WDR4: variants seen among roughly 807,000 people sequenced by gnomAD.
WDR4 encodes the protein tRNA (guanine-N(7)-)-methyltransferase non-catalytic subunit WDR4.
Under a neutral mutation model 48.6 loss-of-function variants are expected in WDR4, and 47 were observed. That is an observed-to-expected ratio of 0.97 (90% CI 0.77 to 1.23). The LOEUF (loss-of-function observed/expected upper bound fraction) is 1.23. Ranked by LOEUF, WDR4 falls within the 50% of genes most tolerant of loss-of-function variation. WDR4 has a pLI of 0.00. For missense variants in WDR4, 606 were observed against 551.6 expected (o/e 1.10, Z -0.99); for synonymous variants, 268 against 230.0 (o/e 1.17, Z -1.49).
At chr21:42,858,836 T>C (rs528437837) in intron 6 of WDR4, among the ~76,000 whole-genome samples, 23 of 152,122 alleles carry the variant, frequency 1.5e-4, no homozygotes, top group African/African-American at 4.3e-4. Context: ...AGAAGAAACA[T>C]AGAAGCGGCC....
the WDR4 span, among the ~76,000 whole-genome samples, chr21:42,892,962 G>C: frequency 6.6e-6 from 1 of 152,268 alleles, no homozygotes; most frequent in Non-Finnish European, 1.5e-5. Context: ...GCGAGGACAA[G>C]GGCAAAGAAG....
At chr21:42,843,399 T>G (rs1008996306) in intron 11 of WDR4, 7 of 138,746 alleles carry the variant, frequency 5.0e-5, no homozygotes, top group Non-Finnish European at 7.5e-5. Flanking sequence ...TGGAAGACAC[T>G]GGTGTGCTTT....
chr21:42,869,667 G>GA (rs529254655), intron 3 of WDR4, among the ~76,000 whole-genome samples: 70 of 145,644 alleles, frequency 4.8e-4, no homozygotes, highest in East Asian at 5.9e-4. Context: ...ATAGGATATG[G>GA]AAAAAAAAAA....
intron 5 of WDR4, among the ~76,000 whole-genome samples, chr21:42,861,379 T>C (rs1022339954): frequency 1.3e-5 from 2 of 148,420 alleles, no homozygotes; most frequent in Non-Finnish European, 3.0e-5. Context: ...GAGGGAGCAG[T>C]TGAAGTTAAT....
chr21:42,866,949 A>C (rs1403168956), intron 3 of WDR4, among the ~76,000 whole-genome samples: 1 of 152,154 alleles, frequency 6.6e-6, no homozygotes, highest in Non-Finnish European at 1.5e-5. Flanking sequence ...CGTGCCCTAC[A>C]CCAAGGTCAG....
intron 1 of WDR4, chr21:42,879,029 G>C: frequency 9.5e-7 from 1 of 1,048,394 alleles, no homozygotes; most frequent in Non-Finnish European, 1.1e-6. Flanking sequence ...CAGTTCTGCA[G>C]AGCGTGTTCG....
Position 42,879,484 on chromosome 21 carries a change from A to AGAGCCCGCCATGTAC in WDR4, c.-4_11dup (p.Ser4_Val5insTyrMetAlaGlySer), listed in dbSNP as rs1454519992. 2.5e-6 allele frequency: 4 copies of AGAGCCCGCCATGTAC among 1,613,326 alleles called. No homozygotes were observed. In the African/African-American group the frequency reaches 4.0e-5, roughly 16 times the overall value. On this transcript the variant is annotated inframe_insertion, in exon 1 of 11. Transcript: ENST00000398208. ...TCTGCCCGCACAACGCCAGTCCCAC[A>AGAGCCCGCCATGTAC]GAGCCCGCCATGTACCCGCCCGCCT...
At chr21:42,879,103 C>T (rs2146120696) in intron 1 of WDR4, 1 of 1,191,738 alleles carries the variant, frequency 8.4e-7, no homozygotes, top group Non-Finnish European at 1.0e-6. Flanking sequence ...CCCGCCGGCG[C>T]CGCGGAGACC....
In WDR4 at chr21:42,863,445, C is replaced by T. The variant is rs1269482435; in HGVS notation, c.448G>A (p.Asp150Asn). 2.5e-6 allele frequency: 4 copies of T among 1,611,524 alleles called. No individual in the cohort carries two copies. Among genetic ancestry groups the T allele is most frequent in the Non-Finnish European group, 3.4e-6 (4 of 1,178,406 alleles). Residue 150 changes from aspartate to asparagine, a missense_variant, in exon 4 of 11, where the codon GAT (aspartate) becomes AAT (asparagine). Physicochemically the swap from Asp to Asn is conservative, Grantham distance 23 (BLOSUM62 1). Transcript: ENST00000398208. ...LELGHLSMLLDVAVSPDDRFI... is the reference protein window; with the variant it reads ...LELGHLSMLLNVAVSPDDRFI... ...CTACCACGTCCCCCACCTACCACATCTAACAGCATAGACAGGTGCCCCAGC... is the reference window on the plus strand; with the variant it reads ...CTACCACGTCCCCCACCTACCACATTTAACAGCATAGACAGGTGCCCCAGC...
In WDR4 at chr21:42,863,472, C is replaced by A; in HGVS notation, c.421G>T (p.Glu141Ter). 1 of 1,613,818 alleles carries A rather than the reference C, an allele frequency of 6.2e-7. No individual in the cohort carries two copies. Among genetic ancestry groups the A allele is most frequent in the African/African-American group, 1.3e-5 (1 of 75,008 alleles). The change falls in exon 4 of 11, where the codon GAG (glutamate) becomes TAG (stop). Residue 141 changes from glutamate (E) to a stop codon, truncating the protein, a stop_gained. Transcript: ENST00000398208. LOFTEE classifies it high-confidence loss of function. ...AACAGCATAGACAGGTGCCCCAGCT[C>A]TAGACGGCCACACCCGTGTGGCTCC... ...VLEPHGCGRL[E>*]LGHLSMLLDV...
rs981018487 is a variant in WDR4, at chr21:42,862,609, C to T, written c.454-215G>A. ...AGAGGGTCCCTGGCCACCTCTAGCCCTCACTCCTCAGTGCTAGAGCAGGCT... is the reference window on the plus strand; with the variant it reads ...AGAGGGTCCCTGGCCACCTCTAGCCTTCACTCCTCAGTGCTAGAGCAGGCT... On this transcript the variant is annotated intron_variant, in intron 4 of 10. Transcript: ENST00000398208. The surrounding 1 kb of genome is among the most constrained non-coding windows in gnomAD (Gnocchi z 4.3). 3.3e-5 allele frequency among the ~76,000 whole-genome samples: 5 copies of T among 152,172 alleles called. No individual in the cohort carries two copies. The highest frequency in any genetic ancestry group is 1.2e-4 in the African/African-American group (5 of 41,444).
At chr21:42,875,916 C>CTTTTTT (rs71194083) in intron 2 of WDR4, among the ~76,000 whole-genome samples, 3,785 of 104,670 alleles carry the variant, frequency 0.036, 233 homozygotes, top group African/African-American at 0.049. Context: ...TAACACTGTG[C>CTTTTTT]TTTTTTTTTT....
chr21:42,884,764 T>C, the WDR4 span, among the ~76,000 whole-genome samples: 1 of 152,122 alleles, frequency 6.6e-6, no homozygotes, highest in African/African-American at 2.4e-5. Context: ...TCACCATCAC[T>C]TGTTATTATG....
the WDR4 span, among the ~76,000 whole-genome samples, chr21:42,890,934 G>C: frequency 5.9e-5 from 9 of 152,290 alleles, no homozygotes; most frequent in African/African-American, 1.9e-4. Context: ...AGGCTGCATA[G>C]GCTTCCCAGC....
intron 3 of WDR4, among the ~76,000 whole-genome samples, chr21:42,872,610 CAAA>C (rs536689165): frequency 1.4e-4 from 11 of 78,582 alleles, no homozygotes; most frequent in Admixed American, 2.8e-4. Context: ...GACCCTTCTC[CAAA>C]AAAAAAAAAA....
chr21:42,859,578 G>GGGGCCAGCGATCCACAA, intron 6 of WDR4, 84 bp downstream of exon 6: 2 of 1,374,688 alleles, frequency 1.5e-6, no homozygotes, highest in Non-Finnish European at 2.0e-6. Flanking sequence ...GCGATCCACA[G>GGGGCCAGCGATCCACAA]GGGCCAGGTC....
intron 3 of WDR4, 111 bp downstream of exon 3, chr21:42,873,440 G>T: frequency 6.8e-7 from 1 of 1,466,376 alleles, no homozygotes; most frequent in South Asian, 1.3e-5. Flanking sequence ...CTGCGGCTCC[G>T]TGTCAACCAC....
At chr21:42,853,929 C>T (rs2057913206) in intron 8 of WDR4, among the ~76,000 whole-genome samples, 177 bp from the exon 9 acceptor site, 1 of 152,188 alleles carries the variant, frequency 6.6e-6, no homozygotes, top group South Asian at 2.1e-4. Flanking sequence ...GGGTGACGTA[C>T]ACTTTTTTAA....
chr21:42,855,868 G>T, intron 6 of WDR4, 88 bp from the exon 7 acceptor site: 2 of 1,079,276 alleles, frequency 1.9e-6, no homozygotes, highest in Non-Finnish European at 2.6e-6. Context: ...TGTGGTCGGG[G>T]TTCCACTCCG....
Sources: gnomAD v4.1 joint callset for allele counts (sites outside exome capture counted in the v4.1 genomes callset) on GRCh38, gnomAD v4.1.1 for gene constraint, Gnocchi (gnomAD v3.1) non-coding constraint, MANE v1.5 for transcripts, NCBI Gene and HGNC (gene_info 2026-07-23, HGNC 2026-07-21) for gene names.